Variants in CDK5RAP2 observed in about 807,000 individuals in gnomAD.
CDK5RAP2 encodes the protein CDK5 regulatory subunit associated protein 2.
A neutral mutation model predicts 232.9 loss-of-function variants in CDK5RAP2; 147 were observed. The observed-to-expected ratio is 0.63, with a 90% CI of 0.55 to 0.72. The LOEUF (loss-of-function observed/expected upper bound fraction) is 0.72. Ranked by LOEUF, CDK5RAP2 falls within the 30% of genes least tolerant of loss-of-function variation. CDK5RAP2 has a pLI of 0.00. For synonymous variants in CDK5RAP2, 833 were observed against 833.7 expected (o/e 1.00, Z 0.01); for missense variants, 2,195 against 2,231.5 (o/e 0.98, Z 0.33).
At chr9:120,449,036 C>T (rs1480419022) in intron 21 of CDK5RAP2, among the ~76,000 whole-genome samples, 1 of 152,174 alleles carries the variant, frequency 6.6e-6, no homozygotes, top group Non-Finnish European at 1.5e-5. Flanking sequence ...TAATTGCTTT[C>T]CAGTTCTATC....
intron 1 of CDK5RAP2, among the ~76,000 whole-genome samples, chr9:120,574,649 G>C (rs2042964026): frequency 6.6e-6 from 1 of 152,176 alleles, no homozygotes; most frequent in Non-Finnish European, 1.5e-5. Flanking sequence ...ACCTGCCCTT[G>C]TATGGGGCAC....
intron 25 of CDK5RAP2, among the ~76,000 whole-genome samples, chr9:120,429,086 T>C (rs1236348567): frequency 1.3e-5 from 2 of 152,194 alleles, no homozygotes; most frequent in Admixed American, 6.5e-5. Context: ...CTTAATAAAT[T>C]AGGTATTGAT....
At chr9:120,404,427 A>T (rs188633544) in intron 32 of CDK5RAP2, among the ~76,000 whole-genome samples, 55 of 152,330 alleles carry the variant, frequency 3.6e-4, no homozygotes, top group African/African-American at 1.3e-3. Flanking sequence ...ACTACCCCCA[A>T]CTTGGCTTCC....
chr9:120,453,971 A>G lies in CDK5RAP2; in HGVS notation c.2376-98T>C, dbSNP rs2036615669. On this transcript the variant is annotated intron_variant, in intron 20 of 37. Coordinates refer to ENST00000349780, the MANE Select transcript of CDK5RAP2 (RefSeq NM_018249.6). ...AAGTTATCCCCACCTACTGTTGCCC[A>G]GATTCCATCAAAACTAAATACAGTG... The G allele has an allele frequency of 4.9e-6, 6 of 1,225,260 alleles. No individual in the cohort carries two copies. The South Asian group carries it at 7.3e-5, about 15-fold the overall frequency. The allele number at this position is 1,225,260 out of a possible 1,614,324, so 75.9% of individuals were successfully genotyped here.
At chr9:120,498,759 G>A (rs781195278) in intron 12 of CDK5RAP2, among the ~76,000 whole-genome samples, 33 of 151,298 alleles carry the variant, frequency 2.2e-4, no homozygotes, top group Non-Finnish European at 3.5e-4. Context: ...GGTGACTCAC[G>A]CCTGTAATAC....
At chr9:120,502,910 G>A (rs2039640149) in intron 12 of CDK5RAP2, among the ~76,000 whole-genome samples, 1 of 152,108 alleles carries the variant, frequency 6.6e-6, no homozygotes, top group Non-Finnish European at 1.5e-5. Flanking sequence ...CCAAACACAG[G>A]CCAAGGCATT....
intron 35 of CDK5RAP2, among the ~76,000 whole-genome samples, chr9:120,396,377 A>G (rs1426139177): frequency 6.6e-6 from 1 of 152,242 alleles, no homozygotes; most frequent in East Asian, 1.9e-4. Flanking sequence ...AAATCGGAAT[A>G]ATCATCCCTG....
At chr9:120,578,007 C>T (rs1342745804) in intron 1 of CDK5RAP2, among the ~76,000 whole-genome samples, 1 of 152,216 alleles carries the variant, frequency 6.6e-6, no homozygotes, top group Non-Finnish European at 1.5e-5. Flanking sequence ...CGGTGGCTCA[C>T]GCCTGTAATC....
At chr9:120,571,315 G>A (rs938060427) in intron 2 of CDK5RAP2, among the ~76,000 whole-genome samples, 2 of 152,038 alleles carry the variant, frequency 1.3e-5, no homozygotes, top group Non-Finnish European at 2.9e-5. Flanking sequence ...TCAGCACTGT[G>A]GAGAAGAGAA....
At chr9:120,441,891 G>C (rs893196495) in intron 23 of CDK5RAP2, among the ~76,000 whole-genome samples, 3 of 152,192 alleles carry the variant, frequency 2.0e-5, no homozygotes, top group African/African-American at 7.2e-5. Context: ...CTAGCACAGG[G>C]TCTGCGACAG....
chr9:120,446,689 T>C (rs1423295644), intron 22 of CDK5RAP2, among the ~76,000 whole-genome samples: 1 of 152,146 alleles, frequency 6.6e-6, no homozygotes, highest in Non-Finnish European at 1.5e-5. Context: ...CTCTCCCTCT[T>C]CCTCACTCCA....
chr9:120,409,036 G>C lies in CDK5RAP2; in HGVS notation c.4604+91C>G, dbSNP rs1024037576. 3 of 1,239,472 alleles carry C rather than the reference G, an allele frequency of 2.4e-6. No homozygotes were observed. The African/African-American group carries it at 4.4e-5, about 18-fold the overall frequency. 76.8% of individuals were successfully genotyped at this position (1,239,472 alleles called of 1,614,324 possible). A position where few individuals can be genotyped will look rare whatever the true frequency, so the allele number is the denominator to read the frequency against. On this transcript the variant is annotated intron_variant, in intron 30 of 37. Coordinates refer to ENST00000349780, the MANE Select transcript of CDK5RAP2 (RefSeq NM_018249.6). ...TCTACTGCCTGCCACTGTGCACTAA[G>C]GCAGAGGCCTGCGTGCTGATTCCAC...
rs55654634 is a variant in CDK5RAP2 at position 120,435,470 on chromosome 9, T to TACACAC, written c.3955+1819_3955+1824dup. Among the ~76,000 whole-genome samples, 254 of 147,410 alleles carry TACACAC rather than the reference T, an allele frequency of 1.7e-3. 1 individual carries two copies. Among genetic ancestry groups the TACACAC allele is most frequent in the African/African-American group, 3.6e-3 (142 of 39,998 alleles). On this transcript the variant is annotated intron_variant, in intron 25 of 37. Coordinates refer to ENST00000349780, the MANE Select transcript of CDK5RAP2 (RefSeq NM_018249.6). ...TTTTTTAAAAAATAAATTACACATTTACACACACACACACACACACACACA... is the reference window on the plus strand; with the variant it reads ...TTTTTTAAAAAATAAATTACACATTTACACACACACACACACACACACACACACACA...
intron 12 of CDK5RAP2, among the ~76,000 whole-genome samples, chr9:120,505,559 T>C (rs963650267): frequency 3.9e-5 from 6 of 152,232 alleles, no homozygotes; most frequent in African/African-American, 9.6e-5. Context: ...GAGGAAGGCA[T>C]GTCAAAAGTC....
Position 120,453,575 on chromosome 9 carries a change from C to A in CDK5RAP2, c.2674G>T (p.Glu892Ter). The part of the protein sequence containing the change: ...LLRFKHEATR[E>*]AWEEKPINTA... ...TTGATCGGTTTCTCTTCCCAAGCCTCTCTTGTTGCTTCATGCTTGAATCTC... is the reference window on the plus strand; with the variant it reads ...TTGATCGGTTTCTCTTCCCAAGCCTATCTTGTTGCTTCATGCTTGAATCTC... Residue 892 changes from glutamate (E) to a stop codon, truncating the protein, a stop_gained, in exon 21 of 38, where the codon GAG becomes TAG. Coordinates refer to ENST00000349780, the MANE Select transcript of CDK5RAP2 (RefSeq NM_018249.6). LOFTEE classifies it high-confidence loss of function. 1 of 1,614,170 alleles carries A rather than the reference C, an allele frequency of 6.2e-7. No individual in the cohort carries two copies. The highest frequency in any genetic ancestry group is 8.5e-7 in the Non-Finnish European group (1 of 1,180,026).
intron 2 of CDK5RAP2, 128 bp downstream of exon 2, chr9:120,571,846 A>G (rs778395928): frequency 7.7e-5 from 57 of 736,370 alleles, no homozygotes; most frequent in Non-Finnish European, 1.2e-4. Context: ...AAAAATACTG[A>G]GCACCTACGG....
intron 26 of CDK5RAP2, among the ~76,000 whole-genome samples, chr9:120,422,455 CA>C (rs2034623216): frequency 6.6e-6 from 1 of 152,122 alleles, no homozygotes; most frequent in African/African-American, 2.4e-5. Flanking sequence ...TCATCTGGTT[CA>C]AATCACCTGA....
rs149044347 is a variant in CDK5RAP2 at position 120,573,267 on chromosome 9, G to A, written c.60-1226C>T. On this transcript the variant is annotated intron_variant, in intron 1 of 37. Transcript: ENST00000349780. ...AAATGATCACAAAAAAATGTGTCCG[G>A]GCTGGGTGCAGTGACTCATGCCTAT... 4.6e-5 allele frequency among the ~76,000 whole-genome samples: 7 copies of A among 152,244 alleles called. No individual in the cohort carries two copies. The East Asian group carries it at 1.3e-3, about 29-fold the overall frequency.
intron 1 of CDK5RAP2, among the ~76,000 whole-genome samples, chr9:120,576,229 C>G (rs2043026222): frequency 6.6e-6 from 1 of 152,154 alleles, no homozygotes; most frequent in African/African-American, 2.4e-5. Flanking sequence ...CCCATATGCA[C>G]AAGTATGAGG....
Sources: allele counts gnomAD v4.1 joint callset (sites outside exome capture counted in the v4.1 genomes callset), GRCh38; gene constraint gnomAD v4.1.1; transcripts MANE v1.5; gene names NCBI Gene and HGNC (gene_info 2026-07-23, HGNC 2026-07-21).